The following SEMA3A variants were observed in gnomAD, a reference collection of about 807,000 sequenced individuals.
SEMA3A encodes the protein semaphorin 3A, also known as semaphorin-3A.
SEMA3A carries 29 observed loss-of-function variants against 97.9 expected under a neutral mutation model. The ratio of observed to expected loss-of-function variants is 0.30; its 90% CI spans 0.22 to 0.40. The LOEUF (loss-of-function observed/expected upper bound fraction) is 0.40, where lower values mean the gene tolerates loss of function less well. SEMA3A is among the 10% of genes least tolerant of loss of function. The probability of loss-of-function intolerance (pLI) is 1.00; values close to 1 mark genes in which losing one functional copy is unlikely to be tolerated. For synonymous variants in SEMA3A, 321 were observed against 323.7 expected (o/e 0.99, Z 0.09); for missense variants, 763 against 951.3 (o/e 0.80, Z 2.60).
intron 3 of SEMA3A, among the ~76,000 whole-genome samples, chr7:84,254,801 T>C (rs898152896): frequency 3.3e-5 from 5 of 152,292 alleles, no homozygotes; most frequent in Non-Finnish European, 7.4e-5. Context: ...TTTATAATCA[T>C]GGATTGGTTT....
At chr7:84,078,870 T>C (rs1022773767) in intron 4 of SEMA3A, among the ~76,000 whole-genome samples, 1 of 152,122 alleles carries the variant, frequency 6.6e-6, no homozygotes, top group Admixed American at 6.6e-5. Context: ...TGTAGGGATA[T>C]ATATTTAATG....
chr7:83,984,608 C>CTTTTTTTTTTTTT (rs371082897), intron 13 of SEMA3A, among the ~76,000 whole-genome samples: 7 of 98,874 alleles, frequency 7.1e-5, no homozygotes, highest in Non-Finnish European at 7.8e-5. Context: ...GATTTTTCTG[C>CTTTTTTTTTTTTT]TTTTTTTTTT....
chr7:84,378,840 T>G (rs548589385), intron 1 of SEMA3A, among the ~76,000 whole-genome samples: 1 of 152,128 alleles, frequency 6.6e-6, no homozygotes, highest in Admixed American at 6.5e-5. Flanking sequence ...TTATTATTTG[T>G]TTTTTTCTGA....
chr7:84,337,301 C>A (rs527967854), intron 2 of SEMA3A, among the ~76,000 whole-genome samples: 6 of 152,212 alleles, frequency 3.9e-5, no homozygotes, highest in Admixed American at 3.9e-4. Flanking sequence ...CTGTGCCTAG[C>A]ACATTTTTGT....
chr7:84,108,250 T>A (rs1311557709), intron 4 of SEMA3A, among the ~76,000 whole-genome samples: 1 of 151,812 alleles, frequency 6.6e-6, no homozygotes, highest in Non-Finnish European at 1.5e-5. Context: ...ATTAAGCAGC[T>A]AGTACCAAGC....
At chr7:84,345,327 C>T (rs1802272185) in intron 2 of SEMA3A, among the ~76,000 whole-genome samples, 1 of 152,156 alleles carries the variant, frequency 6.6e-6, no homozygotes, top group Non-Finnish European at 1.5e-5. Flanking sequence ...ATGTTGATAG[C>T]TGCTGACTCA....
chr7:84,154,643 T>G (rs1584049467), intron 1 of SEMA3A, among the ~76,000 whole-genome samples: 1 of 135,686 alleles, frequency 7.4e-6, no homozygotes, highest in African/African-American at 2.8e-5. Flanking sequence ...GCCACTGCAC[T>G]CCAGCCTGGG....
At chr7:84,364,742 A>C (rs1802803660) in intron 2 of SEMA3A, among the ~76,000 whole-genome samples, 1 of 151,694 alleles carries the variant, frequency 6.6e-6, no homozygotes, top group South Asian at 2.1e-4. Context: ...ACCAAAAGTA[A>C]CATTTGGAAC....
intron 1 of SEMA3A, among the ~76,000 whole-genome samples, chr7:84,160,466 C>A (rs1796995504): frequency 6.6e-6 from 1 of 152,230 alleles, no homozygotes; most frequent in South Asian, 2.1e-4. Context: ...AGGAGAACCA[C>A]TTGACCCAAG....
intron 3 of SEMA3A, among the ~76,000 whole-genome samples, chr7:84,203,763 G>A (rs560839743): frequency 4.0e-5 from 6 of 151,382 alleles, no homozygotes; most frequent in East Asian, 3.9e-4. Context: ...ACTCCTGACC[G>A]CAGGTGATCC....
chr7:84,025,719 T>A (rs1167628124), intron 6 of SEMA3A, among the ~76,000 whole-genome samples: 3 of 152,044 alleles, frequency 2.0e-5, no homozygotes, highest in African/African-American at 7.2e-5. Context: ...AGAAGGCAAG[T>A]GAAAATAATA....
chr7:83,989,072 C>A (rs574019268), intron 12 of SEMA3A, among the ~76,000 whole-genome samples: 1 of 152,196 alleles, frequency 6.6e-6, no homozygotes, highest in Non-Finnish European at 1.5e-5. Context: ...ATACTTCTTT[C>A]ATTCCAACAA....
chr7:84,049,786 C>A (rs1176320232), intron 5 of SEMA3A, among the ~76,000 whole-genome samples: 1 of 150,558 alleles, frequency 6.6e-6, no homozygotes, highest in Non-Finnish European at 1.5e-5. Flanking sequence ...CATATGTATA[C>A]ATGTGCCATG....
intron 3 of SEMA3A, among the ~76,000 whole-genome samples, chr7:84,240,441 C>A (rs1322314097): frequency 6.6e-6 from 1 of 151,864 alleles, no homozygotes; most frequent in African/African-American, 2.4e-5. Flanking sequence ...TGGGCATATA[C>A]CCAGAAGGCC....
At chr7:84,248,881 C>T (rs1053320097) in intron 3 of SEMA3A, among the ~76,000 whole-genome samples, 17 of 152,108 alleles carry the variant, frequency 1.1e-4, no homozygotes, top group African/African-American at 3.9e-4. Context: ...CTTCAAGGAA[C>T]AGGAAACTTA....
intron 1 of SEMA3A, among the ~76,000 whole-genome samples, chr7:84,170,860 A>G (rs1262875520): frequency 6.6e-6 from 1 of 152,018 alleles, no homozygotes; most frequent in East Asian, 1.9e-4. Flanking sequence ...CTTTTATAAC[A>G]CTCATTTAAT....
chr7:84,428,643 TC>T (rs1238808618), intron 1 of SEMA3A, among the ~76,000 whole-genome samples: 6 of 152,080 alleles, frequency 3.9e-5, no homozygotes, highest in African/African-American at 1.2e-4. Context: ...ATCTGTGAAT[TC>T]CATTAGTATA....
At chr7:84,170,993 C>G (rs891776774) in intron 1 of SEMA3A, among the ~76,000 whole-genome samples, 3 of 152,040 alleles carry the variant, frequency 2.0e-5, no homozygotes, top group Non-Finnish European at 4.4e-5. Flanking sequence ...GGTTATGGAA[C>G]AGCTCAATTT....
At chr7:84,246,770 A>C (rs557484791) in intron 3 of SEMA3A, among the ~76,000 whole-genome samples, 4 of 152,136 alleles carry the variant, frequency 2.6e-5, no homozygotes, top group Non-Finnish European at 5.9e-5. Context: ...TGTACAAGGA[A>C]CTATAAGTGT....
Sources: gnomAD v4.1 joint callset for allele counts (sites outside exome capture counted in the v4.1 genomes callset) on GRCh38, gnomAD v4.1.1 for gene constraint, MANE v1.5 for transcripts, NCBI Gene and HGNC (gene_info 2026-07-23, HGNC 2026-07-21) for gene names.